Variants in FGF12 observed in about 807,000 individuals in gnomAD.
FGF12 encodes the protein fibroblast growth factor 12, also known as fibroblast growth factor 12B.
In FGF12, 14 loss-of-function variants were observed where a neutral mutation model predicts 23.6. That is an observed-to-expected ratio of 0.59 (90% CI 0.39 to 0.93). FGF12 has a LOEUF of 0.93. FGF12 is among the 40% of genes least tolerant of loss of function. The pLI is 0.00. For synonymous variants in FGF12, 62 were observed against 77.3 expected (o/e 0.80, Z 1.04); for missense variants, 175 against 217.8 (o/e 0.80, Z 1.24).
At chr3:192,473,609 G>T (rs1307155420) in intron 2 of FGF12, among the ~76,000 whole-genome samples, 1 of 152,158 alleles carries the variant, frequency 6.6e-6, no homozygotes, top group Non-Finnish European at 1.5e-5. Context: ...TGTAAGTGTA[G>T]TATTTTGGGT....
At chr3:192,224,451 T>C (rs1356516811) in intron 4 of FGF12, among the ~76,000 whole-genome samples, 2 of 152,162 alleles carry the variant, frequency 1.3e-5, no homozygotes, top group Non-Finnish European at 2.9e-5. Flanking sequence ...GACATTTTAG[T>C]GTTCAAATCT....
intron 4 of FGF12, among the ~76,000 whole-genome samples, chr3:192,297,173 A>G (rs1354225257): frequency 1.3e-5 from 2 of 152,186 alleles, no homozygotes; most frequent in Admixed American, 6.5e-5. Context: ...AGAAAAACCT[A>G]TTTGGTTAGA....
At chr3:192,703,327 A>G (rs1309629750) in intron 2 of FGF12, among the ~76,000 whole-genome samples, 1 of 152,250 alleles carries the variant, frequency 6.6e-6, no homozygotes, top group Non-Finnish European at 1.5e-5. Flanking sequence ...TATGTCTAAA[A>G]AATAATGTAC....
intron 2 of FGF12, among the ~76,000 whole-genome samples, chr3:192,640,758 C>A (rs1050141756): frequency 2.0e-5 from 3 of 152,012 alleles, no homozygotes; most frequent in African/African-American, 4.8e-5. Context: ...TGGACTGTAG[C>A]CCATTTTTGT....
chr3:192,232,981 C>A (rs756365526), intron 4 of FGF12, among the ~76,000 whole-genome samples: 3 of 152,088 alleles, frequency 2.0e-5, no homozygotes, highest in Admixed American at 6.6e-5. Context: ...GATTCCATGT[C>A]TTTGCTATTG....
chr3:192,643,756 T>A (rs1715890693), intron 2 of FGF12, among the ~76,000 whole-genome samples: 1 of 152,168 alleles, frequency 6.6e-6, no homozygotes, highest in Non-Finnish European at 1.5e-5. Context: ...AGTATATACA[T>A]TTTTTAAACC....
chr3:192,410,884 A>C (rs1721178623), intron 2 of FGF12, among the ~76,000 whole-genome samples: 1 of 152,214 alleles, frequency 6.6e-6, no homozygotes, highest in Admixed American at 6.5e-5. Flanking sequence ...CCAAGTTAAA[A>C]TGCAGCATGA....
At chr3:192,558,209 A>C (rs1711867423) in intron 2 of FGF12, among the ~76,000 whole-genome samples, 1 of 151,932 alleles carries the variant, frequency 6.6e-6, no homozygotes, top group Non-Finnish European at 1.5e-5. Flanking sequence ...AAACAGAAAA[A>C]CAGAGATAAT....
At chr3:192,709,956 T>C (rs1206926551) in intron 2 of FGF12, among the ~76,000 whole-genome samples, 5 of 152,250 alleles carry the variant, frequency 3.3e-5, no homozygotes, top group African/African-American at 1.2e-4. Context: ...GCTCAGGCTA[T>C]GTGTCCAATG....
At chr3:192,596,566 G>GGACA (rs1284579309) in intron 2 of FGF12, among the ~76,000 whole-genome samples, 4 of 146,482 alleles carry the variant, frequency 2.7e-5, no homozygotes, top group African/African-American at 9.8e-5. Context: ...TCTTTCCCTA[G>GGACA]GATACAAAGC....
chr3:192,495,989 C>A (rs899158226), intron 2 of FGF12, among the ~76,000 whole-genome samples: 2 of 152,048 alleles, frequency 1.3e-5, no homozygotes, highest in African/African-American at 2.4e-5. Flanking sequence ...AAACAGGAAA[C>A]CATTTGTTAA....
chr3:192,540,128 A>T (rs996788640), intron 2 of FGF12, among the ~76,000 whole-genome samples: 43 of 151,658 alleles, frequency 2.8e-4, no homozygotes, highest in Admixed American at 1.5e-3. Context: ...TTGTTTCTTA[A>T]TTTCACATTC....
intron 2 of FGF12, among the ~76,000 whole-genome samples, chr3:192,577,896 G>A (rs1712978115): frequency 6.6e-6 from 1 of 152,140 alleles, no homozygotes; most frequent in South Asian, 2.1e-4. Flanking sequence ...GCCCTAAAAG[G>A]ATGCTTCAAT....
At chr3:192,190,764 C>T (rs1162454064) in intron 4 of FGF12, among the ~76,000 whole-genome samples, 6 of 152,086 alleles carry the variant, frequency 3.9e-5, no homozygotes, top group South Asian at 2.1e-4. Flanking sequence ...CGTGAGCCAC[C>T]GCGCCCGGCC....
At chr3:192,258,235 A>G (rs28369224) in intron 4 of FGF12, among the ~76,000 whole-genome samples, 62,457 of 151,966 alleles carry the variant, frequency 0.41, 13,757 homozygotes, top group East Asian at 0.94. Context: ...AGGTGGATGG[A>G]TCACTTCAGG....
chr3:192,701,384 TG>T (rs1260398154), intron 2 of FGF12, among the ~76,000 whole-genome samples: 1 of 152,208 alleles, frequency 6.6e-6, no homozygotes, highest in Admixed American at 6.5e-5. Context: ...GTATCTCCTC[TG>T]GCTATGTCAT....
At chr3:192,252,577 A>C (rs1311301021) in intron 4 of FGF12, among the ~76,000 whole-genome samples, 1 of 151,338 alleles carries the variant, frequency 6.6e-6, no homozygotes, top group Non-Finnish European at 1.5e-5. Flanking sequence ...CGAGGAAATA[A>C]AAATGTATGT....
chr3:192,278,921 G>A (rs865906964), intron 4 of FGF12, among the ~76,000 whole-genome samples: 2 of 150,582 alleles, frequency 1.3e-5, no homozygotes, highest in African/African-American at 4.8e-5. Flanking sequence ...ATGGTGGTTG[G>A]TTTGGGCAGT....
At chr3:192,635,163 A>G (rs187363300) in intron 2 of FGF12, among the ~76,000 whole-genome samples, 1 of 152,312 alleles carries the variant, frequency 6.6e-6, no homozygotes, top group Admixed American at 6.5e-5. Context: ...CCTGACGGAG[A>G]ATAATTTTTA....
Sources: allele counts gnomAD v4.1 joint callset (sites outside exome capture counted in the v4.1 genomes callset), GRCh38; gene constraint gnomAD v4.1.1; transcripts MANE v1.5; gene names NCBI Gene and HGNC (gene_info 2026-07-23, HGNC 2026-07-21).